RCOR1: variants seen among roughly 807,000 people sequenced by gnomAD.
The protein encoded by RCOR1 is REST corepressor.
In RCOR1, 12 loss-of-function variants were observed where a neutral mutation model predicts 64.0. That is an observed-to-expected ratio of 0.19 (90% CI 0.12 to 0.30). The LOEUF (loss-of-function observed/expected upper bound fraction) is 0.30, where lower values mean the gene tolerates loss of function less well. RCOR1 is among the 10% of genes least tolerant of loss of function. The pLI is 1.00. For missense variants in RCOR1, 502 were observed against 621.2 expected, an observed-to-expected ratio of 0.81 and a Z score of 2.04; for synonymous variants, 279 against 227.2, an observed-to-expected ratio of 1.23 and a Z score of -2.05.
At chr14:102,670,809 T>C (rs886979937) in intron 2 of RCOR1, among the ~76,000 whole-genome samples, 1 of 151,776 alleles carries the variant, frequency 6.6e-6, no homozygotes, top group African/African-American at 2.4e-5. Flanking sequence ...GTCTTGCTCT[T>C]GTCGCCCAGG....
At chr14:102,608,348 A>G (rs1392068738) in intron 2 of RCOR1, among the ~76,000 whole-genome samples, 1 of 152,128 alleles carries the variant, frequency 6.6e-6, no homozygotes, top group Non-Finnish European at 1.5e-5. Context: ...TAATGTTTTC[A>G]AGGTTCATTC....
At chr14:102,689,869 T>G (rs986965451) in intron 3 of RCOR1, among the ~76,000 whole-genome samples, 10 of 151,920 alleles carry the variant, frequency 6.6e-5, no homozygotes, top group African/African-American at 2.4e-4. Context: ...TCAGCCTCCC[T>G]AGTAGCTGGA....
chr14:102,722,114 G>A (rs1896179125), intron 10 of RCOR1, 73 bp from the exon 11 acceptor site: 1 of 1,048,406 alleles, frequency 9.5e-7, no homozygotes, highest in Non-Finnish European at 1.5e-6. Context: ...TGGATAAAGA[G>A]GTAAGTGTCA....
chr14:102,606,799 C>G (rs1205177432), intron 2 of RCOR1, among the ~76,000 whole-genome samples: 1 of 151,524 alleles, frequency 6.6e-6, no homozygotes, highest in African/African-American at 2.4e-5. Context: ...CTGCACCTGG[C>G]TGTTAAGTAT....
chr14:102,602,731 G>C (rs1022706518), intron 2 of RCOR1, among the ~76,000 whole-genome samples: 1 of 151,976 alleles, frequency 6.6e-6, no homozygotes, highest in Non-Finnish European at 1.5e-5. Context: ...TTGTAGACTT[G>C]ATATCGTTCT....
At chr14:102,598,826 T>G (rs1893322579) in intron 2 of RCOR1, among the ~76,000 whole-genome samples, 1 of 152,096 alleles carries the variant, frequency 6.6e-6, no homozygotes, top group Admixed American at 6.6e-5. Context: ...TAGAATACCA[T>G]TTGTGTTTAC....
intron 2 of RCOR1, among the ~76,000 whole-genome samples, chr14:102,625,383 G>T (rs1189838624): frequency 1.3e-5 from 2 of 151,684 alleles, no homozygotes; most frequent in Non-Finnish European, 2.9e-5. Flanking sequence ...TTACAGGCAT[G>T]CGCTACTATG....
intron 2 of RCOR1, among the ~76,000 whole-genome samples, chr14:102,603,714 G>C (rs1463571700): frequency 1.3e-5 from 2 of 151,930 alleles, no homozygotes; most frequent in African/African-American, 2.4e-5. Flanking sequence ...TTCATCTCCT[G>C]GGCTCACATG....
In RCOR1 at chr14:102,659,103, C is replaced by G. The variant is rs1282936295; in HGVS notation, c.362-22792C>G. ...TTCTCCCACGAGGAAGCTGCTTTTT[C>G]TAGGAAAGGTCTTTGCCCGTTATTC... On this transcript the variant is annotated intron_variant, in intron 2 of 11. Coordinates refer to ENST00000262241, the MANE Select transcript of RCOR1 (RefSeq NM_015156.4). The G allele has an allele frequency of 5.1e-6, 5 of 984,824 alleles. No individual in the cohort carries two copies. The East Asian group carries it at 3.4e-4, about 67-fold the overall frequency. 61.0% of individuals were successfully genotyped at this position (984,824 alleles called of 1,614,324 possible). A position where few individuals can be genotyped will look rare whatever the true frequency, so the allele number is the denominator to read the frequency against.
At chr14:102,690,055 T>G (rs993597259) in intron 3 of RCOR1, among the ~76,000 whole-genome samples, 1 of 151,986 alleles carries the variant, frequency 6.6e-6, no homozygotes, top group African/African-American at 2.4e-5. Flanking sequence ...ATTTTTTTTT[T>G]AAGCTAGCTA....
intron 2 of RCOR1, among the ~76,000 whole-genome samples, chr14:102,612,353 G>A (rs369349157): frequency 1.3e-5 from 2 of 151,658 alleles, no homozygotes; most frequent in Non-Finnish European, 2.9e-5. Flanking sequence ...ACAGGTGCGC[G>A]CCACCACGCC....
intron 4 of RCOR1, among the ~76,000 whole-genome samples, chr14:102,706,016 G>A (rs954267759): frequency 2.7e-5 from 4 of 147,314 alleles, no homozygotes; most frequent in African/African-American, 1.0e-4. Context: ...GGAGGCTGAG[G>A]CAGGAGAATT....
At chr14:102,648,872 G>A (rs1894526628) in intron 2 of RCOR1, among the ~76,000 whole-genome samples, 1 of 152,148 alleles carries the variant, frequency 6.6e-6, no homozygotes, top group Non-Finnish European at 1.5e-5. Context: ...TTCTTAAAGA[G>A]AAATCTTGGG....
chr14:102,679,143 G>A (rs1376515287), intron 2 of RCOR1, among the ~76,000 whole-genome samples: 1 of 152,106 alleles, frequency 6.6e-6, no homozygotes, highest in African/African-American at 2.4e-5. Flanking sequence ...ATTAAAAAAT[G>A]TTTGGTGGAT....
chr14:102,669,081 G>T (rs1259316465), intron 2 of RCOR1, among the ~76,000 whole-genome samples: 1 of 152,090 alleles, frequency 6.6e-6, no homozygotes, highest in East Asian at 1.9e-4. Context: ...AGGCTGAAGC[G>T]GGCAGATCAC....
intron 2 of RCOR1, among the ~76,000 whole-genome samples, chr14:102,673,310 A>AT (rs1244057062): frequency 2.0e-5 from 3 of 149,470 alleles, no homozygotes; most frequent in Non-Finnish European, 4.4e-5. Flanking sequence ...TTGAAGTCAC[A>AT]TACCACGGTT....
intron 2 of RCOR1, among the ~76,000 whole-genome samples, chr14:102,665,325 T>A (rs1894897268): frequency 6.6e-6 from 1 of 150,532 alleles, no homozygotes; most frequent in South Asian, 2.1e-4. Flanking sequence ...TTTTTTTTTT[T>A]TTTTTAAATA....
chr14:102,648,935 G>T (rs911543310), intron 2 of RCOR1, among the ~76,000 whole-genome samples: 2 of 152,092 alleles, frequency 1.3e-5, no homozygotes, highest in Non-Finnish European at 2.9e-5. Context: ...AGTGAAGACA[G>T]GGCTCCAAAG....
intron 2 of RCOR1, among the ~76,000 whole-genome samples, chr14:102,650,197 CA>C (rs35233018): frequency 0.18 from 14,680 of 83,614 alleles, 875 homozygotes; most frequent in Middle Eastern, 0.31. Context: ...GACTCCACCG[CA>C]AAAAAAAAAA....
Sources: gnomAD v4.1 joint callset for allele counts (sites outside exome capture counted in the v4.1 genomes callset) on GRCh38, gnomAD v4.1.1 for gene constraint, MANE v1.5 for transcripts, NCBI Gene and HGNC (gene_info 2026-07-23, HGNC 2026-07-21) for gene names.